The following IL22RA2 variants were observed in gnomAD, a reference collection of about 807,000 sequenced individuals.
The protein encoded by IL22RA2 is interleukin 22 receptor subunit alpha 2.
In IL22RA2, 39 loss-of-function variants were observed where a neutral mutation model predicts 30.7. The ratio of observed to expected loss-of-function variants is 1.27; its 90% CI spans 0.98 to 1.66. The LOEUF (loss-of-function observed/expected upper bound fraction) is 1.66. Ranked by LOEUF, IL22RA2 falls within the 40% of genes most tolerant of loss-of-function variation. The pLI, the probability that IL22RA2 is intolerant of heterozygous loss-of-function variation, is 0.00. For missense variants in IL22RA2, 315 were observed against 312.7 expected, an observed-to-expected ratio of 1.01 and a Z score of -0.05; for synonymous variants, 103 against 105.0, an observed-to-expected ratio of 0.98 and a Z score of 0.11.
intron 1 of IL22RA2, among the ~76,000 whole-genome samples, chr6:137,170,616 G>T (rs925399027): frequency 2.0e-5 from 3 of 152,164 alleles, no homozygotes; most frequent in Non-Finnish European, 4.4e-5. Flanking sequence ...ATATTTAAAA[G>T]TAGGAAAAGC....
chr6:137,171,880 C>T (rs765908756), intron 1 of IL22RA2, among the ~76,000 whole-genome samples: 8 of 152,210 alleles, frequency 5.3e-5, no homozygotes, highest in South Asian at 4.1e-4. Context: ...CTCTGTTCTA[C>T]GGCAGTCTTC....
intron 5 of IL22RA2, among the ~76,000 whole-genome samples, chr6:137,148,438 G>A (rs967746976): frequency 6.6e-6 from 1 of 152,152 alleles, no homozygotes; most frequent in African/African-American, 2.4e-5. Flanking sequence ...AGGGGTATTA[G>A]TTCTAACTCC....
chr6:137,159,232 A>G (rs1778469868), intron 2 of IL22RA2, among the ~76,000 whole-genome samples: 1 of 152,206 alleles, frequency 6.6e-6, no homozygotes, highest in Non-Finnish European at 1.5e-5. Flanking sequence ...CTTTAGTTGC[A>G]TGGAGGCAAG....
Position 137,163,776 on chromosome 6 carries a change from G to A in IL22RA2, c.-65-1962C>T, listed in dbSNP as rs770024781. Among the ~76,000 whole-genome samples, 26 of 152,264 alleles carry A rather than the reference G, an allele frequency of 1.7e-4. 1 individual carries two copies. Among genetic ancestry groups the A allele is most frequent in the African/African-American group, 9.6e-5 (4 of 41,548 alleles). On this transcript the variant is annotated intron_variant, in intron 1 of 6. Coordinates refer to ENST00000296980, the MANE Select transcript of IL22RA2 (RefSeq NM_052962.3). Reference sequence around the variant, plus strand: ...CAGACGTAAGTGGGGCTCATGAGTCGGTCAGAAAGGAAAACCATTTTGGGG... The same window carrying A: ...CAGACGTAAGTGGGGCTCATGAGTCAGTCAGAAAGGAAAACCATTTTGGGG...
chr6:137,154,798 C>T, intron 5 of IL22RA2, 143 bp downstream of exon 5: 1 of 663,736 alleles, frequency 1.5e-6, no homozygotes. Context: ...AAAGCTATCT[C>T]CTAGAGTTGT....
At chr6:137,148,501 C>G (rs1016553380) in intron 5 of IL22RA2, among the ~76,000 whole-genome samples, 2 of 152,156 alleles carry the variant, frequency 1.3e-5, no homozygotes, top group Non-Finnish European at 2.9e-5. Flanking sequence ...TGGCTGTTAC[C>G]ACTTAGGGTC....
chr6:137,156,975 G>A, intron 3 of IL22RA2, 121 bp from the exon 4 acceptor site: 1 of 1,367,500 alleles, frequency 7.3e-7, no homozygotes, highest in South Asian at 1.4e-5. Flanking sequence ...TTGCAAGAGT[G>A]AGAACTCACT....
chr6:137,151,475 A>T (rs1466123323), intron 5 of IL22RA2, among the ~76,000 whole-genome samples: 1 of 152,244 alleles, frequency 6.6e-6, no homozygotes. Flanking sequence ...AACATAGGGT[A>T]AATCTTCATG....
intron 6 of IL22RA2, among the ~76,000 whole-genome samples, chr6:137,146,582 A>C (rs965279350): frequency 6.6e-6 from 1 of 152,148 alleles, no homozygotes; most frequent in African/African-American, 2.4e-5. Context: ...TTTCTAAACA[A>C]GTTAAACTGT....
chr6:137,162,366 C>G (rs995198341), intron 1 of IL22RA2, among the ~76,000 whole-genome samples: 3 of 152,166 alleles, frequency 2.0e-5, no homozygotes, highest in African/African-American at 7.2e-5. Flanking sequence ...GGGCTCCCTG[C>G]CGTACTCTTC....
chr6:137,171,101 T>C (rs1481019831), intron 1 of IL22RA2, among the ~76,000 whole-genome samples: 1 of 152,240 alleles, frequency 6.6e-6, no homozygotes, highest in Non-Finnish European at 1.5e-5. Context: ...TAGTAAGGAA[T>C]AATGATGGCT....
intron 6 of IL22RA2, among the ~76,000 whole-genome samples, chr6:137,147,470 G>C (rs887905029): frequency 3.6e-4 from 55 of 151,996 alleles, no homozygotes; most frequent in Middle Eastern, 3.4e-3. Context: ...AATTAAATAC[G>C]GTTAATACCA....
intron 4 of IL22RA2, among the ~76,000 whole-genome samples, chr6:137,156,388 G>A (rs994940205): frequency 1.3e-5 from 2 of 152,174 alleles, no homozygotes; most frequent in Non-Finnish European, 2.9e-5. Flanking sequence ...CATGGTGACA[G>A]CAGTTTCATT....
chr6:137,150,516 G>A (rs1432701606), intron 5 of IL22RA2, among the ~76,000 whole-genome samples: 1 of 134,066 alleles, frequency 7.5e-6, no homozygotes, highest in Non-Finnish European at 1.5e-5. Flanking sequence ...AGGGAGAAAG[G>A]TCATACAGAA....
chr6:137,154,837 A>T (rs1043800683), intron 5 of IL22RA2, 104 bp downstream of exon 5: 2 of 874,976 alleles, frequency 2.3e-6, no homozygotes, highest in African/African-American at 1.7e-5. Flanking sequence ...AGAGATAATG[A>T]TGTAGAGACC....
intron 1 of IL22RA2, among the ~76,000 whole-genome samples, chr6:137,168,213 A>G (rs527748837): frequency 8.4e-4 from 128 of 152,326 alleles, no homozygotes; most frequent in Admixed American, 1.4e-3. Context: ...ATGAGTGTAC[A>G]GGGACTCATA....
At position 137,145,621 on chromosome 6, in the gene IL22RA2, A is replaced by ACATGAC. The variant is rs1299058503; in HGVS notation, c.*2_*3insGTCATG. 4.4e-6 allele frequency: 7 copies of ACATGAC among 1,599,402 alleles called. No individual in the cohort carries two copies. In the Admixed American group the frequency reaches 5.1e-5, roughly 12 times the overall value. On this transcript the variant is annotated 3_prime_UTR_variant, in exon 7 of 7. Transcript: ENST00000296980. ...CACATTGCTGAATGCCAAATTCCACAAGTCATGGAATTTCCACACATCTCT... is the reference window on the plus strand; with the variant it reads ...CACATTGCTGAATGCCAAATTCCACACATGACAGTCATGGAATTTCCACACATCTCT...
At chr6:137,158,893 A>G (rs1778464728) in intron 2 of IL22RA2, among the ~76,000 whole-genome samples, 2 of 152,164 alleles carry the variant, frequency 1.3e-5, no homozygotes, top group Non-Finnish European at 2.9e-5. Flanking sequence ...TTTGCTAGTG[A>G]CCACTTCTGG....
Position 137,147,880 on chromosome 6 carries a change from G to C in IL22RA2, c.484C>G (p.Pro162Ala). ...ACTTGGGTTATATTCATGACTGGAG[G>C]ATCTATTTTTGCTGAAGAAAAAACA... ...FTPWWETKID[P>A]PVMNITQVNG... Residue 162 changes from proline to alanine, a missense_variant, in exon 6 of 7, where the codon CCT becomes GCT. Physicochemically the swap from Pro to Ala is conservative, Grantham distance 27. Coordinates refer to ENST00000296980, the MANE Select transcript of IL22RA2 (RefSeq NM_052962.3). The C allele has an allele frequency of 6.2e-7, 1 of 1,608,914 alleles. No homozygotes were observed. The highest frequency in any genetic ancestry group is 1.3e-5 in the African/African-American group (1 of 74,568).
Sources: allele counts gnomAD v4.1 joint callset (sites outside exome capture counted in the v4.1 genomes callset), GRCh38; gene constraint gnomAD v4.1.1; transcripts MANE v1.5; gene names NCBI Gene and HGNC (gene_info 2026-07-23, HGNC 2026-07-21).